RBFOX1: variants seen among roughly 807,000 people sequenced by gnomAD.
RBFOX1 encodes RNA binding fox-1 homolog 1, also known as RNA binding protein fox-1 homolog 1.
A neutral mutation model predicts 57.7 loss-of-function variants in RBFOX1; 8 were observed. The observed-to-expected ratio is 0.14, with a 90% CI of 0.08 to 0.25. The LOEUF (loss-of-function observed/expected upper bound fraction) is 0.25, where lower values mean the gene tolerates loss of function less well. Ranked by LOEUF, RBFOX1 falls within the 10% of genes least tolerant of loss-of-function variation. The probability of loss-of-function intolerance (pLI) is 1.00; values close to 1 mark genes in which losing one functional copy is unlikely to be tolerated. For synonymous variants in RBFOX1, 326 were observed against 222.4 expected, an observed-to-expected ratio of 1.47 and a Z score of -4.15; for missense variants, 611 against 548.5, an observed-to-expected ratio of 1.11 and a Z score of -1.14.
chr16:7,115,630 G>C (rs898305866), intron 4 of RBFOX1, among the ~76,000 whole-genome samples: 6 of 152,216 alleles, frequency 3.9e-5, no homozygotes, highest in African/African-American at 1.4e-4. Context: ...TTGGGACAAA[G>C]TACATAGCTC....
chr16:5,772,091 G>C (rs1285072673), intron 3 of RBFOX1, among the ~76,000 whole-genome samples: 1 of 152,142 alleles, frequency 6.6e-6, no homozygotes, highest in African/African-American at 2.4e-5. Context: ...AGAATCACTT[G>C]AACCTGGGAG....
At chr16:7,076,029 C>T (rs1356414072) in intron 4 of RBFOX1, among the ~76,000 whole-genome samples, 1 of 151,390 alleles carries the variant, frequency 6.6e-6, no homozygotes, top group Non-Finnish European at 1.5e-5. Flanking sequence ...TTTATCCTCA[C>T]ACTTGGGCTT....
intron 4 of RBFOX1, among the ~76,000 whole-genome samples, chr16:7,243,993 T>C (rs1310471102): frequency 6.6e-6 from 1 of 152,156 alleles, no homozygotes; most frequent in Non-Finnish European, 1.5e-5. Flanking sequence ...TCTTTTTTCC[T>C]GGAGAGAATG....
chr16:6,422,273 A>C (rs375301507), intron 2 of RBFOX1, among the ~76,000 whole-genome samples: 1 of 148,746 alleles, frequency 6.7e-6, no homozygotes, highest in African/African-American at 2.5e-5. Flanking sequence ...TCAGGGGTAC[A>C]TGTAGGTGCA....
chr16:6,900,147 G>A (rs2068087816), intron 3 of RBFOX1, among the ~76,000 whole-genome samples: 1 of 152,174 alleles, frequency 6.6e-6, no homozygotes. Context: ...TGCTGGTGGT[G>A]GTGGTGGTGG....
intron 1 of RBFOX1, among the ~76,000 whole-genome samples, chr16:6,160,530 A>G (rs2096870496): frequency 6.6e-6 from 1 of 152,048 alleles, no homozygotes; most frequent in African/African-American, 2.4e-5. Flanking sequence ...TTGAGTCATT[A>G]CCACCAGAGC....
intron 4 of RBFOX1, among the ~76,000 whole-genome samples, chr16:5,920,985 G>A (rs914812535): frequency 3.3e-5 from 5 of 152,272 alleles, no homozygotes; most frequent in Admixed American, 1.3e-4. Flanking sequence ...CCTGTGTGAC[G>A]TTGAGCAGGA....
At chr16:6,573,695 G>A (rs1481921299) in intron 2 of RBFOX1, 2 of 152,244 alleles carry the variant, frequency 1.3e-5, no homozygotes, top group Non-Finnish European at 2.9e-5. Flanking sequence ...GCTCAGGGGT[G>A]ACGCGCCTCC....
chr16:7,702,420 C>A (rs931294785), intron 14 of RBFOX1, among the ~76,000 whole-genome samples: 1 of 152,206 alleles, frequency 6.6e-6, no homozygotes, highest in African/African-American at 2.4e-5. Context: ...TGTCAGAAGC[C>A]TTCAGCCTCT....
At chr16:6,448,475 G>A (rs2094531976) in intron 2 of RBFOX1, among the ~76,000 whole-genome samples, 1 of 152,030 alleles carries the variant, frequency 6.6e-6, no homozygotes, top group Non-Finnish European at 1.5e-5. Flanking sequence ...TTCAACCACA[G>A]CAGTTTTGAC....
chr16:7,453,600 C>T (rs1358234203), intron 4 of RBFOX1, among the ~76,000 whole-genome samples: 3 of 152,118 alleles, frequency 2.0e-5, no homozygotes, highest in Non-Finnish European at 2.9e-5. Flanking sequence ...GATGAGCAGG[C>T]ACTGTATATA....
At chr16:5,616,949 A>C (rs758556006) in intron 3 of RBFOX1, among the ~76,000 whole-genome samples, 1 of 145,062 alleles carries the variant, frequency 6.9e-6, no homozygotes, top group Non-Finnish European at 1.5e-5. Flanking sequence ...TTAATTAAAT[A>C]GATACTTATT....
chr16:6,838,558 C>G (rs577792884), intron 3 of RBFOX1, among the ~76,000 whole-genome samples: 4 of 152,206 alleles, frequency 2.6e-5, no homozygotes, highest in Admixed American at 2.6e-4. Flanking sequence ...TCTGCACACA[C>G]TGCCTATGAG....
intron 1 of RBFOX1, among the ~76,000 whole-genome samples, chr16:5,330,213 C>T (rs893617220): frequency 4.6e-5 from 7 of 152,138 alleles, no homozygotes; most frequent in African/African-American, 1.4e-4. Flanking sequence ...TAGTCCATTG[C>T]AGTTGCATAG....
At chr16:6,576,192 A>C (rs910359385) in intron 2 of RBFOX1, among the ~76,000 whole-genome samples, 1 of 152,092 alleles carries the variant, frequency 6.6e-6, no homozygotes, top group African/African-American at 2.4e-5. Context: ...TGCTTATTCC[A>C]GTTCAGGCTT....
chr16:6,809,130 C>G (rs966390030), intron 3 of RBFOX1, among the ~76,000 whole-genome samples: 1 of 152,210 alleles, frequency 6.6e-6, no homozygotes, highest in South Asian at 2.1e-4. Flanking sequence ...GTCACCAGTT[C>G]AGCTGTTTGT....
intron 3 of RBFOX1, among the ~76,000 whole-genome samples, chr16:7,024,279 A>G (rs901964937): frequency 6.6e-6 from 1 of 152,162 alleles, no homozygotes; most frequent in African/African-American, 2.4e-5. Flanking sequence ...GGCTTTGACA[A>G]AGACTACCAT....
chr16:6,357,060 G>C (rs2152858937), intron 2 of RBFOX1, among the ~76,000 whole-genome samples: 1 of 152,212 alleles, frequency 6.6e-6, no homozygotes, highest in Admixed American at 6.5e-5. Flanking sequence ...TCTATTTGGA[G>C]CAGTATTTGG....
chr16:6,748,657 TCAAA>T (rs1407452252), intron 3 of RBFOX1, among the ~76,000 whole-genome samples: 1 of 152,166 alleles, frequency 6.6e-6, no homozygotes, highest in Non-Finnish European at 1.5e-5. Context: ...AGATCCTGTC[TCAAA>T]CAAAACACCT....
Sources: gnomAD v4.1 joint callset for allele counts (sites outside exome capture counted in the v4.1 genomes callset) on GRCh38, gnomAD v4.1.1 for gene constraint, MANE v1.5 for transcripts, NCBI Gene and HGNC (gene_info 2026-07-23, HGNC 2026-07-21) for gene names.